The following FAM124A variants were observed in gnomAD, a reference collection of about 807,000 sequenced individuals.
The protein encoded by FAM124A is protein FAM124A.
A neutral mutation model predicts 24.5 loss-of-function variants in FAM124A; 23 were observed. The observed-to-expected ratio is 0.94, with a 90% CI of 0.68 to 1.33. FAM124A has a LOEUF of 1.33. Among genes scored for constraint, FAM124A ranks in the 40% most tolerant of loss-of-function variants. The probability of loss-of-function intolerance (pLI) is 0.00; values close to 1 mark genes in which losing one functional copy is unlikely to be tolerated. For synonymous variants in FAM124A, 287 were observed against 314.7 expected (o/e 0.91, Z 0.93); for missense variants, 623 against 722.8 (o/e 0.86, Z 1.58).
chr13:51,227,055 G>T (rs895131045), intron 1 of FAM124A, among the ~76,000 whole-genome samples: 2 of 152,042 alleles, frequency 1.3e-5, no homozygotes, highest in African/African-American at 2.4e-5. Context: ...TATTATTATT[G>T]TTATGAGGAA....
Position 51,251,973 on chromosome 13 carries a change from A to T in FAM124A, c.606A>T (p.Lys202Asn). The stretch of plus-strand genomic sequence containing the variant: ...TCCGGAGGAGCCCCAGCCAGAAGAA[A>T]GCGGACTTCTGCATCTTCCCTATTT... ...LILRRSPSQK[K>N]ADFCIFPIFS... The change falls in exon 3 of 4, where the codon AAA becomes AAT. Residue 202 changes from lysine to asparagine, a missense_variant. Transcript: ENST00000322475. The surrounding 1 kb of genome is among the most constrained non-coding windows in gnomAD (Gnocchi z 5.3). The T allele has an allele frequency of 6.2e-7, 1 of 1,614,252 alleles. No individual in the cohort carries two copies. Among genetic ancestry groups the T allele is most frequent in the Non-Finnish European group, 8.5e-7 (1 of 1,180,054 alleles).
At chr13:51,230,673 G>C (rs185173784) in intron 1 of FAM124A, among the ~76,000 whole-genome samples, 2 of 152,172 alleles carry the variant, frequency 1.3e-5, no homozygotes, top group Admixed American at 1.3e-4. Context: ...CCACTCTTAC[G>C]GAGGCTGAAT....
chr13:51,224,719 A>C (rs1328128676), intron 1 of FAM124A, among the ~76,000 whole-genome samples: 3 of 152,204 alleles, frequency 2.0e-5, no homozygotes, highest in African/African-American at 2.4e-5. Context: ...TGCTATCGTT[A>C]GTATTTTTAA....
intron 2 of FAM124A, among the ~76,000 whole-genome samples, chr13:51,232,011 T>C (rs1335081326): frequency 3.3e-5 from 5 of 152,204 alleles, no homozygotes; most frequent in Admixed American, 2.6e-4. Flanking sequence ...AGGTTGTAAT[T>C]AGGGAATTTA....
intron 2 of FAM124A, among the ~76,000 whole-genome samples, chr13:51,248,622 C>G (rs913256465): frequency 7.9e-5 from 12 of 152,182 alleles, no homozygotes; most frequent in Non-Finnish European, 1.5e-4. Context: ...TGTCTCATCC[C>G]CTTACTGGGA....
chr13:51,228,210 T>C (rs962722397), intron 1 of FAM124A, among the ~76,000 whole-genome samples: 1 of 152,162 alleles, frequency 6.6e-6, no homozygotes, highest in Non-Finnish European at 1.5e-5. Context: ...ATGTAGTATA[T>C]ATATATATGT....
intron 1 of FAM124A, among the ~76,000 whole-genome samples, chr13:51,230,013 C>T (rs1181073998): frequency 6.6e-6 from 1 of 152,170 alleles, no homozygotes; most frequent in African/African-American, 2.4e-5. Context: ...CTAATCATTG[C>T]TCACCTCCTG....
intron 3 of FAM124A, among the ~76,000 whole-genome samples, chr13:51,268,145 T>A (rs758359755): frequency 6.6e-6 from 1 of 152,274 alleles, no homozygotes; most frequent in Non-Finnish European, 1.5e-5. Flanking sequence ...GCTGCATTCC[T>A]GCAGTTGTGG....
rs1475331034 is a variant in FAM124A at position 51,258,404 on chromosome 13, T to C, written c.834+6203T>C. ...TATCTGATCTGTCTCTGTTATTATA[T>C]TGTCAAAAAATGAATGAGTGTGAGC... On this transcript the variant is annotated intron_variant, in intron 3 of 3. Coordinates refer to ENST00000322475, the MANE Select transcript of FAM124A (RefSeq NM_001242312.2). This position sits in a 1 kb window ranked among gnomAD's most constrained non-coding sequence, Gnocchi z 4.2. 6.6e-6 allele frequency among the ~76,000 whole-genome samples: 1 copy of C among 152,162 alleles called. No individual in the cohort carries two copies. Among genetic ancestry groups the C allele is most frequent in the East Asian group, 1.9e-4 (1 of 5,192 alleles).
In FAM124A at chr13:51,251,419, A is replaced by G; in HGVS notation, c.101-49A>G. 1 of 1,477,780 alleles carries G rather than the reference A, an allele frequency of 6.8e-7. No individual in the cohort carries two copies. The highest frequency in any genetic ancestry group is 9.0e-7 in the Non-Finnish European group (1 of 1,113,532). 91.5% of individuals were successfully genotyped at this position (1,477,780 alleles called of 1,614,324 possible). On this transcript the variant is annotated intron_variant, in intron 2 of 3. Coordinates refer to ENST00000322475, the MANE Select transcript of FAM124A (RefSeq NM_001242312.2). This position sits in a 1 kb window ranked among gnomAD's most constrained non-coding sequence, Gnocchi z 5.3. The stretch of plus-strand genomic sequence containing the variant: ...CGTCATCACTGGACACTTTAATGAA[A>G]TAATCATAATTGTATTCATTCATCC...
chr13:51,264,637 T>TAA (rs542894270), intron 3 of FAM124A, among the ~76,000 whole-genome samples: 11 of 146,232 alleles, frequency 7.5e-5, no homozygotes, highest in African/African-American at 2.0e-4. Context: ...CATATCTCTT[T>TAA]AAAAAAAAAA....
At chr13:51,222,646 C>A in intron 1 of FAM124A, 77 bp downstream of exon 1, 1 of 1,176,712 alleles carries the variant, frequency 8.5e-7, no homozygotes, top group South Asian at 4.3e-5. Flanking sequence ...GACGGGGACC[C>A]TCCTGATCCG....
At chr13:51,231,221 C>T in intron 1 of FAM124A, 127 bp from the exon 2 acceptor site, 1 of 983,996 alleles carries the variant, frequency 1.0e-6, no homozygotes, top group South Asian at 1.4e-5. Flanking sequence ...AGCCTTAGCA[C>T]TGCAGTTTTT....
At chr13:51,231,489 C>A in intron 2 of FAM124A, 110 bp downstream of exon 2, 2 of 1,168,836 alleles carry the variant, frequency 1.7e-6, no homozygotes, top group Non-Finnish European at 1.2e-6. Context: ...ATCACCAAAG[C>A]ATCTTTGCCA....
At chr13:51,244,286 G>A (rs961059149) in intron 2 of FAM124A, among the ~76,000 whole-genome samples, 6 of 152,090 alleles carry the variant, frequency 3.9e-5, no homozygotes, top group East Asian at 3.9e-4. Context: ...TTAGCTACCC[G>A]GCTTACATCT....
intron 2 of FAM124A, among the ~76,000 whole-genome samples, chr13:51,233,151 A>T (rs1954397346): frequency 1.3e-5 from 2 of 152,118 alleles, no homozygotes; most frequent in African/African-American, 4.8e-5. Context: ...GTTTTCCTCT[A>T]ACCCTTAAGA....
chr13:51,277,464 C>T (rs577872761), intron 3 of FAM124A, among the ~76,000 whole-genome samples: 1 of 152,306 alleles, frequency 6.6e-6, no homozygotes, highest in Non-Finnish European at 1.5e-5. Context: ...GAAATCTGCA[C>T]TTGTACTCCC....
At chr13:51,237,469 G>A (rs1954446593) in intron 2 of FAM124A, among the ~76,000 whole-genome samples, 1 of 152,196 alleles carries the variant, frequency 6.6e-6, no homozygotes. Context: ...TGGCACAACA[G>A]TCATGTTTAT....
At chr13:51,230,068 T>C (rs1186677880) in intron 1 of FAM124A, among the ~76,000 whole-genome samples, 3 of 150,064 alleles carry the variant, frequency 2.0e-5, no homozygotes, top group Non-Finnish European at 4.4e-5. Flanking sequence ...GTCAATAAAA[T>C]ATTGAATTAT....
Sources: gnomAD v4.1 joint callset for allele counts (sites outside exome capture counted in the v4.1 genomes callset) on GRCh38, gnomAD v4.1.1 for gene constraint, Gnocchi (gnomAD v3.1) non-coding constraint, MANE v1.5 for transcripts, NCBI Gene and HGNC (gene_info 2026-07-23, HGNC 2026-07-21) for gene names.